GFM1: variants seen among roughly 807,000 people sequenced by gnomAD.
The protein encoded by GFM1 is G elongation factor mitochondrial 1.
GFM1 carries 62 observed loss-of-function variants against 96.2 expected under a neutral mutation model. That is an observed-to-expected ratio of 0.64 (90% CI 0.53 to 0.80). The LOEUF is 0.80. Ranked by LOEUF, GFM1 falls within the 30% of genes least tolerant of loss-of-function variation. GFM1 has a pLI of 0.00. For synonymous variants in GFM1, 282 were observed against 312.9 expected, an observed-to-expected ratio of 0.90 and a Z score of 1.04; for missense variants, 852 against 916.6, an observed-to-expected ratio of 0.93 and a Z score of 0.91.
chr3:158,668,591 C>T (rs1011016279), intron 13 of GFM1, among the ~76,000 whole-genome samples: 4 of 152,156 alleles, frequency 2.6e-5, no homozygotes, highest in African/African-American at 4.8e-5. Flanking sequence ...CTATGATTAC[C>T]GTGATGCTTT....
chr3:158,649,021 A>G lies in GFM1; in HGVS notation c.573-20A>G. 1 of 1,064,286 alleles carries G rather than the reference A, an allele frequency of 9.4e-7. No homozygotes were observed. Among genetic ancestry groups the G allele is most frequent in the African/African-American group, 1.6e-5 (1 of 64,106 alleles). 65.9% of individuals were successfully genotyped at this position (1,064,286 alleles called of 1,614,324 possible). A position where few individuals can be genotyped will look rare whatever the true frequency, so the allele number is the denominator to read the frequency against. ...TAGGGGAGAAGAAAAAAGGTAAACA[A>G]GTGTATTTTTATTTTTCAGGTCTAA... On this transcript the variant is annotated intron_variant, in intron 4 of 17. Transcript: ENST00000486715.
At chr3:158,653,566 T>A in intron 7 of GFM1, 99 bp downstream of exon 7, 1 of 904,850 alleles carries the variant, frequency 1.1e-6, no homozygotes, top group East Asian at 2.5e-5. Flanking sequence ...ATGTCTGTGA[T>A]TTTTTTTCAT....
At chr3:158,683,037 A>G (rs1400934766) in intron 14 of GFM1, among the ~76,000 whole-genome samples, 1 of 131,812 alleles carries the variant, frequency 7.6e-6, no homozygotes, top group East Asian at 2.1e-4. Context: ...TCCAAAATGG[A>G]AAAAAAAAAA....
chr3:158,665,201 G>T, intron 11 of GFM1, 136 bp from the exon 12 acceptor site: 1 of 674,102 alleles, frequency 1.5e-6, no homozygotes, highest in Non-Finnish European at 2.7e-6. Context: ...AAAATGGTGT[G>T]GAGTAGAACT....
At chr3:158,673,508 CTTTTTTTTT>C (rs766011688) in intron 13 of GFM1, among the ~76,000 whole-genome samples, 1 of 114,264 alleles carries the variant, frequency 8.8e-6, no homozygotes, top group Non-Finnish European at 1.8e-5. Flanking sequence ...CTTTTCTTTT[CTTTTTTTTT>C]TTTTTTTTTT....
chr3:158,657,433 TG>T (rs1292080058), intron 8 of GFM1: 7 of 152,222 alleles, frequency 4.6e-5, no homozygotes, highest in Middle Eastern at 3.2e-3. Context: ...CATTGAGTAT[TG>T]TTTAAAAATC....
rs1274370008 is a variant in GFM1 at position 158,691,678 on chromosome 3, A to C, written c.*211A>C. The C allele has an allele frequency of 8.1e-6, 4 of 493,454 alleles. No individual in the cohort carries two copies. Among genetic ancestry groups the C allele is most frequent in the Non-Finnish European group, 1.5e-5 (4 of 274,638 alleles). The allele number at this position is 493,454 out of a possible 1,614,324, so 30.6% of individuals were successfully genotyped here. A position where few individuals can be genotyped will look rare whatever the true frequency, so the allele number is the denominator to read the frequency against. The stretch of plus-strand genomic sequence containing the variant: ...TTCTATGTCTATCTCAACTCTATTG[A>C]TTGGTTTTATAGTTCATTGAAAATC... On this transcript the variant is annotated 3_prime_UTR_variant, in exon 18 of 18. Coordinates refer to ENST00000486715, the MANE Select transcript of GFM1 (RefSeq NM_024996.7).
chr3:158,685,062 A>G (rs1384034682), intron 15 of GFM1: 2 of 173,284 alleles, frequency 1.2e-5, no homozygotes, highest in Non-Finnish European at 2.5e-5. Flanking sequence ...TAATCTCTTC[A>G]TTATGACATT....
chr3:158,689,040 C>T (rs751562852), intron 15 of GFM1, among the ~76,000 whole-genome samples: 3 of 152,184 alleles, frequency 2.0e-5, no homozygotes, highest in Non-Finnish European at 4.4e-5. Context: ...GTCATCATTT[C>T]TGTGTTTTGC....
intron 13 of GFM1, among the ~76,000 whole-genome samples, chr3:158,679,434 T>C (rs1277253473): frequency 6.6e-6 from 1 of 152,192 alleles, no homozygotes. Context: ...TAATGTACTA[T>C]CTTCCTCAAA....
At chr3:158,666,432 T>C (rs1307151629) in intron 13 of GFM1, 46 bp downstream of exon 13, 1 of 1,510,210 alleles carries the variant, frequency 6.6e-7, no homozygotes. Context: ...AAATTGAAGC[T>C]TTTTATTTTG....
intron 15 of GFM1, among the ~76,000 whole-genome samples, chr3:158,689,869 G>A (rs909053637): frequency 6.6e-6 from 1 of 152,090 alleles, no homozygotes; most frequent in African/African-American, 2.4e-5. Context: ...GATGGTAAAG[G>A]ACTTCATCAG....
At chr3:158,655,012 T>C (rs907992812) in intron 8 of GFM1, among the ~76,000 whole-genome samples, 1 of 152,196 alleles carries the variant, frequency 6.6e-6, no homozygotes, top group Admixed American at 6.5e-5. Flanking sequence ...TTCCTAATTG[T>C]TAGATGTTTA....
rs1206017772 is a variant in GFM1 at position 158,695,122 on chromosome 3, C to T, written c.*3655C>T. 6.6e-6 allele frequency among the ~76,000 whole-genome samples: 1 copy of T among 152,200 alleles called. No homozygotes were observed. The highest frequency in any genetic ancestry group is 2.4e-5 in the African/African-American group (1 of 41,448). ...GATGTGGTGGCTCACGCCTGTAATTCCAGCACTTTGGGAGGCCAAGGTGGG... is the reference window on the plus strand; with the variant it reads ...GATGTGGTGGCTCACGCCTGTAATTTCAGCACTTTGGGAGGCCAAGGTGGG... On this transcript the variant is annotated 3_prime_UTR_variant, in exon 18 of 18. Transcript: ENST00000486715.
At chr3:158,689,612 T>A (rs1178907588) in intron 15 of GFM1, among the ~76,000 whole-genome samples, 1 of 151,990 alleles carries the variant, frequency 6.6e-6, no homozygotes, top group Non-Finnish European at 1.5e-5. Flanking sequence ...CTGTGTCTAC[T>A]AAAAATACAA....
rs571883757 is a variant in GFM1 at position 158,646,087 on chromosome 3, T to C, written c.235-78T>C. The C allele has an allele frequency of 1.1e-5, 17 of 1,566,876 alleles. No individual in the cohort carries two copies. In the East Asian group the frequency reaches 3.8e-4, roughly 35 times the overall value. ...CATGAGCCACTGCACCTGGCAACTG[T>C]TTCCATTTCAGTTAAGATTTCTTTC... On this transcript the variant is annotated intron_variant, in intron 2 of 17. Transcript: ENST00000486715.
chr3:158,673,508 C>CTTTTTTTTTT (rs766011688), intron 13 of GFM1, among the ~76,000 whole-genome samples: 121 of 114,202 alleles, frequency 1.1e-3, no homozygotes, highest in East Asian at 1.4e-3. Context: ...CTTTTCTTTT[C>CTTTTTTTTTT]TTTTTTTTTT....
chr3:158,676,093 C>G (rs971051902), intron 13 of GFM1, among the ~76,000 whole-genome samples: 1 of 152,178 alleles, frequency 6.6e-6, no homozygotes, highest in East Asian at 1.9e-4. Flanking sequence ...AGCAACATGG[C>G]GAAGCCCTGT....
intron 13 of GFM1, among the ~76,000 whole-genome samples, chr3:158,668,775 G>A (rs1360090896): frequency 1.3e-5 from 2 of 152,140 alleles, no homozygotes; most frequent in Non-Finnish European, 1.5e-5. Context: ...GCATCTCTCA[G>A]CCAAATCAAA....
Sources: allele counts gnomAD v4.1 joint callset (sites outside exome capture counted in the v4.1 genomes callset), GRCh38; gene constraint gnomAD v4.1.1; transcripts MANE v1.5; gene names NCBI Gene and HGNC (gene_info 2026-07-23, HGNC 2026-07-21).